The following ARHGAP6 variants were observed in gnomAD, a reference collection of about 807,000 sequenced individuals.
ARHGAP6 encodes the protein rho GTPase-activating protein 6.
Under a neutral mutation model 55.7 loss-of-function variants are expected in ARHGAP6, and 16 were observed. The observed-to-expected ratio is 0.29, with a 90% CI of 0.19 to 0.44. The LOEUF (loss-of-function observed/expected upper bound fraction) is 0.44. Ranked by LOEUF, ARHGAP6 falls within the 20% of genes least tolerant of loss-of-function variation. The pLI is 1.00. For synonymous variants in ARHGAP6, 382 were observed against 360.9 expected (o/e 1.06, Z -0.66); for missense variants, 698 against 808.9 (o/e 0.86, Z 1.66).
At chrX:11,635,919 G>A (rs967205002) in intron 1 of ARHGAP6, among the ~76,000 whole-genome samples, 1 of 111,897 alleles carries the variant, frequency 8.9e-6, no homozygotes, top group African/African-American at 3.2e-5. Flanking sequence ...ACAAATACAT[G>A]TCAAATAACA....
intron 1 of ARHGAP6, among the ~76,000 whole-genome samples, chrX:11,474,546 T>C (rs2050383834): frequency 8.9e-6 from 1 of 112,343 alleles, no homozygotes; most frequent in Admixed American, 9.4e-5. Flanking sequence ...TTCTTAGTCA[T>C]ACAGAAGAAT....
intron 2 of ARHGAP6, among the ~76,000 whole-genome samples, chrX:11,214,272 C>T (rs1301774281): frequency 4.6e-5 from 5 of 109,731 alleles, no homozygotes; most frequent in Admixed American, 1.9e-4. Flanking sequence ...CACACACACA[C>T]ACACACACAC....
intron 1 of ARHGAP6, among the ~76,000 whole-genome samples, chrX:11,591,857 T>C (rs1420728648): frequency 3.6e-5 from 4 of 111,871 alleles, no homozygotes; most frequent in African/African-American, 1.3e-4. Context: ...CTTCTAAAAA[T>C]TCATAGAAAA....
At position 11,500,663 on chromosome X, in the gene ARHGAP6, C is replaced by CAA. The variant is rs995574477; in HGVS notation, c.588+163576_588+163577dup. The stretch of plus-strand genomic sequence containing the variant: ...CCCGGGAAACAGAGCCAGACTCTGT[C>CAA]AAAAAAAAAAAAAAAAAAAAAGAAG... On this transcript the variant is annotated intron_variant, in intron 1 of 12. Transcript: ENST00000337414. Among the ~76,000 whole-genome samples, 39 of 33,572 alleles carry CAA rather than the reference C, an allele frequency of 1.2e-3. 1 individual carries two copies. Among genetic ancestry groups the CAA allele is most frequent in the African/African-American group, 3.1e-3 (28 of 9,022 alleles). 29.2% of individuals were successfully genotyped at this position (33,572 alleles called of 115,157 possible).
At chrX:11,380,790 A>C (rs768987842) in intron 1 of ARHGAP6, among the ~76,000 whole-genome samples, 39 of 112,279 alleles carry the variant, frequency 3.5e-4, no homozygotes, top group Non-Finnish European at 6.4e-4. Context: ...TGTGCATTAC[A>C]GGATGTTGAG....
intron 1 of ARHGAP6, among the ~76,000 whole-genome samples, chrX:11,458,031 AGT>A (rs911236713): frequency 1.8e-5 from 2 of 112,237 alleles, no homozygotes; most frequent in African/African-American, 6.5e-5. Flanking sequence ...CACATCAGTT[AGT>A]GTCCATAACT....
intron 2 of ARHGAP6, among the ~76,000 whole-genome samples, chrX:11,248,292 A>T (rs2047378537): frequency 9.0e-6 from 1 of 111,694 alleles, no homozygotes; most frequent in African/African-American, 3.3e-5. Context: ...TGGTTAGCCT[A>T]CCCCAACAAA....
chrX:11,454,570 G>A (rs2050178454), intron 1 of ARHGAP6, among the ~76,000 whole-genome samples: 1 of 111,942 alleles, frequency 8.9e-6, no homozygotes, highest in Non-Finnish European at 1.9e-5. Context: ...ATATGGAGTT[G>A]TATTGGCAAG....
intron 1 of ARHGAP6, among the ~76,000 whole-genome samples, chrX:11,461,720 A>G (rs1439623816): frequency 8.9e-6 from 1 of 112,337 alleles, no homozygotes; most frequent in Non-Finnish European, 1.9e-5. Flanking sequence ...TGTACAAGAC[A>G]GTTCAGCAGA....
intron 1 of ARHGAP6, among the ~76,000 whole-genome samples, chrX:11,611,918 A>G (rs754376916): frequency 1.6e-4 from 16 of 102,936 alleles, no homozygotes; most frequent in African/African-American, 5.5e-4. Context: ...GGGGACAGAA[A>G]AGTACAAAAA....
intron 1 of ARHGAP6, among the ~76,000 whole-genome samples, chrX:11,346,749 A>AAGAAAGAAAGAAAGAAAGAG (rs1388432128): frequency 1.8e-5 from 2 of 110,909 alleles, no homozygotes. Flanking sequence ...GAAAGAAAGA[A>AAGAAAGAAAGAAAGAAAGAG]AGAAAGAGAG....
At position 11,602,558 on chromosome X, in the gene ARHGAP6, T is replaced by C. The variant is rs369514337; in HGVS notation, c.588+61683A>G. 8.2e-4 allele frequency among the ~76,000 whole-genome samples: 93 copies of C among 112,906 alleles called. 1 individual carries two copies. The South Asian group carries it at 0.032, about 39-fold the overall frequency. Reference sequence around the variant, plus strand: ...AGTTCAGGAAGAAATAACTGATTGGTTAGGTCTATGTCATGAGCCCCTTGC... The same window carrying C: ...AGTTCAGGAAGAAATAACTGATTGGCTAGGTCTATGTCATGAGCCCCTTGC... On this transcript the variant is annotated intron_variant, in intron 1 of 12. Transcript: ENST00000337414.
chrX:11,641,110 G>C (rs1170460320), intron 1 of ARHGAP6, among the ~76,000 whole-genome samples: 1 of 110,770 alleles, frequency 9.0e-6, no homozygotes, highest in Non-Finnish European at 1.9e-5. Context: ...CTTGTCTTTG[G>C]AACCAGTGGT....
intron 9 of ARHGAP6, among the ~76,000 whole-genome samples, chrX:11,165,050 A>G (rs1374840901): frequency 8.9e-6 from 1 of 112,231 alleles, no homozygotes. Flanking sequence ...TATGTTAGCC[A>G]GTTTTTCAAC....
intron 1 of ARHGAP6, among the ~76,000 whole-genome samples, chrX:11,325,105 G>A (rs184240385): frequency 8.0e-5 from 9 of 112,110 alleles, no homozygotes; most frequent in South Asian, 3.7e-4. Context: ...TGATCCACCC[G>A]CCTCGGCCTC....
At chrX:11,517,693 A>C (rs902552349) in intron 1 of ARHGAP6, among the ~76,000 whole-genome samples, 2 of 111,539 alleles carry the variant, frequency 1.8e-5, no homozygotes, top group Non-Finnish European at 3.8e-5. Flanking sequence ...GCTGGAAGTC[A>C]CTATCCACAG....
intron 1 of ARHGAP6, among the ~76,000 whole-genome samples, chrX:11,536,882 G>C (rs1006906726): frequency 2.7e-5 from 3 of 112,058 alleles, no homozygotes; most frequent in African/African-American, 9.7e-5. Flanking sequence ...TTACCAATTA[G>C]AACTTTTTCA....
intron 1 of ARHGAP6, among the ~76,000 whole-genome samples, chrX:11,353,381 A>C (rs1013948018): frequency 1.8e-5 from 2 of 112,109 alleles, no homozygotes; most frequent in Admixed American, 1.9e-4. Flanking sequence ...TTTAAAACAA[A>C]AACAGCAAAA....
chrX:11,234,919 A>G (rs1168451277), intron 2 of ARHGAP6, among the ~76,000 whole-genome samples: 1 of 112,861 alleles, frequency 8.9e-6, no homozygotes, highest in African/African-American at 3.2e-5. Flanking sequence ...CTTGAAATAC[A>G]TATTGCTAAG....
Sources: allele counts gnomAD v4.1 joint callset (sites outside exome capture counted in the v4.1 genomes callset), GRCh38; gene constraint gnomAD v4.1.1; transcripts MANE v1.5; gene names NCBI Gene and HGNC (gene_info 2026-07-23, HGNC 2026-07-21).